SLC10A7: variants seen among roughly 807,000 people sequenced by gnomAD.
SLC10A7 encodes the protein solute carrier family 10 member 7.
A neutral mutation model predicts 43.2 loss-of-function variants in SLC10A7; 29 were observed. The observed-to-expected ratio is 0.67, with a 90% CI of 0.50 to 0.92. SLC10A7 has a LOEUF of 0.92. Ranked by LOEUF, SLC10A7 falls within the 40% of genes least tolerant of loss-of-function variation. The pLI is 0.00. For missense variants in SLC10A7, 295 were observed against 403.2 expected, an observed-to-expected ratio of 0.73 and a Z score of 2.30; for synonymous variants, 152 against 144.8, an observed-to-expected ratio of 1.05 and a Z score of -0.35.
At chr4:146,413,688 T>C (rs1728360610) in intron 5 of SLC10A7, among the ~76,000 whole-genome samples, 2 of 152,184 alleles carry the variant, frequency 1.3e-5, no homozygotes, top group African/African-American at 4.8e-5. Flanking sequence ...AGACTTTCCA[T>C]TCAAGCTAAG....
chr4:146,265,269 T>C (rs1007092069), intron 10 of SLC10A7, among the ~76,000 whole-genome samples: 1 of 152,196 alleles, frequency 6.6e-6, no homozygotes, highest in Non-Finnish European at 1.5e-5. Flanking sequence ...GGAGGCAGAA[T>C]TGGACCCCAG....
At chr4:146,425,141 C>T (rs957979530) in intron 5 of SLC10A7, among the ~76,000 whole-genome samples, 4 of 152,038 alleles carry the variant, frequency 2.6e-5, no homozygotes, top group African/African-American at 9.7e-5. Flanking sequence ...ACAAGCTGAA[C>T]ATGTGTATGT....
intron 4 of SLC10A7, among the ~76,000 whole-genome samples, chr4:146,471,336 C>G (rs1368399842): frequency 2.0e-5 from 3 of 152,222 alleles, no homozygotes; most frequent in Non-Finnish European, 4.4e-5. Flanking sequence ...ATCTAGAACA[C>G]TGGACCAACT....
intron 4 of SLC10A7, among the ~76,000 whole-genome samples, chr4:146,456,584 C>T (rs1732073926): frequency 6.6e-6 from 1 of 151,936 alleles, no homozygotes; most frequent in Admixed American, 6.6e-5. Flanking sequence ...CCATACTTAA[C>T]AATTACAGTT....
At chr4:146,378,170 T>C (rs926240650) in intron 5 of SLC10A7, among the ~76,000 whole-genome samples, 1 of 152,202 alleles carries the variant, frequency 6.6e-6, no homozygotes, top group African/African-American at 2.4e-5. Flanking sequence ...AAGACCAGAA[T>C]TTAAGAGTCT....
chr4:146,507,371 C>T (rs1041360408), intron 3 of SLC10A7, among the ~76,000 whole-genome samples: 4 of 152,008 alleles, frequency 2.6e-5, no homozygotes, highest in Admixed American at 2.6e-4. Context: ...ACCATCCTGG[C>T]CAACATGGTG....
At chr4:146,336,144 A>G (rs1434408457) in intron 5 of SLC10A7, among the ~76,000 whole-genome samples, 1 of 152,114 alleles carries the variant, frequency 6.6e-6, no homozygotes, top group African/African-American at 2.4e-5. Flanking sequence ...CTTTGCAGGG[A>G]CACTTCTGCA....
At chr4:146,389,881 G>A (rs535250602) in intron 5 of SLC10A7, among the ~76,000 whole-genome samples, 3 of 152,318 alleles carry the variant, frequency 2.0e-5, no homozygotes, top group Non-Finnish European at 2.9e-5. Context: ...CCTCCCTGGG[G>A]CTGTTGTTAG....
At chr4:146,484,419 T>C (rs765014696) in intron 4 of SLC10A7, among the ~76,000 whole-genome samples, 7 of 152,276 alleles carry the variant, frequency 4.6e-5, no homozygotes, top group East Asian at 3.9e-4. Flanking sequence ...TGGACTCAAA[T>C]TGCACTTTGA....
intron 2 of SLC10A7, chr4:146,515,265 G>A (rs1737840813): frequency 1.5e-6 from 1 of 668,682 alleles, no homozygotes; most frequent in Non-Finnish European, 2.7e-6. Context: ...TAAAGGACTT[G>A]GGTTAGAAAG....
chr4:146,509,798 A>C (rs1231375610), intron 3 of SLC10A7, 115 bp downstream of exon 3: 1 of 883,982 alleles, frequency 1.1e-6, no homozygotes, highest in Non-Finnish European at 1.6e-6. Context: ...ATGTGTTTTT[A>C]CTTCCTTTTA....
chr4:146,464,092 T>TG (rs1732791914), intron 4 of SLC10A7, among the ~76,000 whole-genome samples: 1 of 151,956 alleles, frequency 6.6e-6, no homozygotes, highest in East Asian at 1.9e-4. Flanking sequence ...CCCAGAATGC[T>TG]GGGATTATAG....
intron 5 of SLC10A7, among the ~76,000 whole-genome samples, chr4:146,437,452 A>C (rs981825665): frequency 1.3e-5 from 2 of 152,116 alleles, no homozygotes; most frequent in African/African-American, 4.8e-5. Flanking sequence ...ATGGTACTGA[A>C]ACTGCTTAAA....
chr4:146,306,960 G>C (rs1731620876), intron 6 of SLC10A7, among the ~76,000 whole-genome samples: 2 of 152,264 alleles, frequency 1.3e-5, no homozygotes, highest in African/African-American at 4.8e-5. Context: ...GTTACACTTG[G>C]AAATATCTTT....
chr4:146,446,314 C>T (rs764795582), intron 4 of SLC10A7, among the ~76,000 whole-genome samples: 3 of 152,132 alleles, frequency 2.0e-5, no homozygotes, highest in South Asian at 2.1e-4. Context: ...TGGTGACTCA[C>T]ACCTGTAATC....
intron 5 of SLC10A7, among the ~76,000 whole-genome samples, chr4:146,343,679 C>A (rs961107210): frequency 6.6e-6 from 1 of 151,936 alleles, no homozygotes; most frequent in Non-Finnish European, 1.5e-5. Context: ...CATGGTCTTC[C>A]TCTTCCCTGC....
intron 5 of SLC10A7, among the ~76,000 whole-genome samples, chr4:146,432,489 G>A (rs183893804): frequency 3.1e-4 from 47 of 152,136 alleles, no homozygotes; most frequent in African/African-American, 9.9e-4. Flanking sequence ...GATAGACACC[G>A]TACTCAAAAA....
intron 4 of SLC10A7, among the ~76,000 whole-genome samples, chr4:146,480,998 C>T (rs1319203306): frequency 6.6e-6 from 1 of 152,130 alleles, no homozygotes; most frequent in Admixed American, 6.5e-5. Context: ...CCTCAGGTCT[C>T]CTGTACACCA....
rs372967998 is a variant in SLC10A7, at chr4:146,325,362, C to T, written c.471+599G>A. Among the ~76,000 whole-genome samples, 71 of 152,278 alleles carry T rather than the reference C, an allele frequency of 4.7e-4. No homozygotes were observed. In the South Asian group the frequency reaches 0.014, roughly 30 times the overall value. ...ATGCTTAGTGCCAAAAGAAATAAGA[C>T]AGCTAATTAGCATTTCTTGTTTTCA... On this transcript the variant is annotated intron_variant, in intron 6 of 11. Transcript: ENST00000335472.
Sources: gnomAD v4.1 joint callset for allele counts (sites outside exome capture counted in the v4.1 genomes callset) on GRCh38, gnomAD v4.1.1 for gene constraint, MANE v1.5 for transcripts, NCBI Gene and HGNC (gene_info 2026-07-23, HGNC 2026-07-21) for gene names.